The following FYTTD1 variants were observed in gnomAD, a reference collection of about 807,000 sequenced individuals.
FYTTD1 encodes UAP56-interacting factor.
A neutral mutation model predicts 40.9 loss-of-function variants in FYTTD1; 22 were observed. The ratio of observed to expected loss-of-function variants is 0.54; its 90% CI spans 0.38 to 0.77. FYTTD1 has a LOEUF of 0.77. Ranked by LOEUF, FYTTD1 falls within the 30% of genes least tolerant of loss-of-function variation. The pLI is 0.00. For missense variants in FYTTD1, 351 were observed against 392.2 expected (o/e 0.90, Z 0.89); for synonymous variants, 140 against 137.9 (o/e 1.01, Z -0.10).
chr3:197,778,161 T>G (rs1319704978), intron 7 of FYTTD1, among the ~76,000 whole-genome samples, 177 bp from the exon 8 acceptor site: 1 of 152,246 alleles, frequency 6.6e-6, no homozygotes, highest in African/African-American at 2.4e-5. Context: ...TAAAGAGATA[T>G]TCTCTGAACA....
intron 2 of FYTTD1, among the ~76,000 whole-genome samples, chr3:197,764,003 G>T (rs760778280): frequency 2.0e-5 from 3 of 152,302 alleles, no homozygotes; most frequent in Middle Eastern, 3.4e-3. Flanking sequence ...AGGGCTTGGA[G>T]GATTTTTTTT....
At chr3:197,768,873 A>G (rs998725636) in intron 3 of FYTTD1, among the ~76,000 whole-genome samples, 9 of 151,724 alleles carry the variant, frequency 5.9e-5, no homozygotes, top group Admixed American at 1.3e-4. Flanking sequence ...GCTCACTGCA[A>G]TGTCCACCTC....
chr3:197,774,167 A>G lies in FYTTD1; in HGVS notation c.613A>G (p.Thr205Ala). The change falls in exon 6 of 9, where the codon ACA (threonine) becomes GCA (alanine). Residue 205 changes from threonine to alanine, a missense_variant. Transcript: ENST00000241502. ...RGLKVQAQLNTEQLLDDVVAK... is the reference protein window; with the variant it reads ...RGLKVQAQLNAEQLLDDVVAK... Reference sequence around the variant, plus strand: ...CCTTCAGGTGCAGGCCCAGTTGAATACAGAACAACTGCTAGACGATGTAGT... The same window carrying G: ...CCTTCAGGTGCAGGCCCAGTTGAATGCAGAACAACTGCTAGACGATGTAGT... 6.2e-7 allele frequency: 1 copy of G among 1,614,046 alleles called. No individual in the cohort carries two copies. Among genetic ancestry groups the G allele is most frequent in the Non-Finnish European group, 8.5e-7 (1 of 1,179,882 alleles).
At chr3:197,769,641 C>T (rs1319234597) in intron 3 of FYTTD1, among the ~76,000 whole-genome samples, 1 of 152,118 alleles carries the variant, frequency 6.6e-6, no homozygotes, top group Non-Finnish European at 1.5e-5. Context: ...CACGTCTACT[C>T]CAGCGTCTTT....
In FYTTD1 at chr3:197,768,848, A is replaced by G. The variant is rs188934762; in HGVS notation, c.384+261A>G. Reference sequence around the variant, plus strand: ...TGCTCTGTTACCCAGGCTGGAGTGCAGTGATGTGATCTTGGCTCACTGCAA... The same window carrying G: ...TGCTCTGTTACCCAGGCTGGAGTGCGGTGATGTGATCTTGGCTCACTGCAA... On this transcript the variant is annotated intron_variant, in intron 3 of 8. Coordinates refer to ENST00000241502, the MANE Select transcript of FYTTD1 (RefSeq NM_032288.7). Among the ~76,000 whole-genome samples the G allele has an allele frequency of 1.5e-3, 233 of 152,216 alleles. 3 individuals carry two copies. Among genetic ancestry groups the G allele is most frequent in the Admixed American group, 0.014 (209 of 15,272 alleles).
chr3:197,752,724 C>T (rs1362727302), intron 1 of FYTTD1, among the ~76,000 whole-genome samples: 4 of 151,136 alleles, frequency 2.6e-5, no homozygotes, highest in African/African-American at 4.9e-5. Context: ...CTATATATGG[C>T]TTGGTTGTTT....
intron 7 of FYTTD1, among the ~76,000 whole-genome samples, chr3:197,777,297 C>A (rs1279899961): frequency 1.3e-5 from 2 of 152,142 alleles, no homozygotes; most frequent in East Asian, 3.9e-4. Context: ...GGCTCTGTTA[C>A]CCAGGCTGGA....
intron 1 of FYTTD1, among the ~76,000 whole-genome samples, chr3:197,754,163 G>C (rs1729147050): frequency 6.6e-6 from 1 of 152,060 alleles, no homozygotes; most frequent in Non-Finnish European, 1.5e-5. Context: ...TTAGACTTTT[G>C]ATGAAGAGTA....
At chr3:197,762,956 A>G (rs539860575) in intron 2 of FYTTD1, among the ~76,000 whole-genome samples, 3 of 152,274 alleles carry the variant, frequency 2.0e-5, no homozygotes, top group Non-Finnish European at 2.9e-5. Context: ...CCCCCGTGAT[A>G]CATGTTTACC....
intron 3 of FYTTD1, among the ~76,000 whole-genome samples, chr3:197,768,807 T>C (rs1331389866): frequency 6.6e-6 from 1 of 152,220 alleles, no homozygotes; most frequent in African/African-American, 2.4e-5. Context: ...GTTTTTGTTT[T>C]TTATATATAG....
chr3:197,779,523 T>G (rs905127236), intron 8 of FYTTD1, among the ~76,000 whole-genome samples: 14 of 139,856 alleles, frequency 1.0e-4, no homozygotes, highest in African/African-American at 3.6e-4. Flanking sequence ...TGTGGATTCC[T>G]TAGGACTTTT....
chr3:197,752,731 G>T (rs949414348), intron 1 of FYTTD1, among the ~76,000 whole-genome samples: 1 of 151,276 alleles, frequency 6.6e-6, no homozygotes, highest in African/African-American at 2.4e-5. Context: ...TGGCTTGGTT[G>T]TTTTTATACA....
intron 2 of FYTTD1, among the ~76,000 whole-genome samples, chr3:197,767,719 C>T (rs542851759): frequency 2.0e-5 from 3 of 152,226 alleles, no homozygotes; most frequent in Non-Finnish European, 2.9e-5. Flanking sequence ...CTCCCAAGTG[C>T]CGGGATTACA....
At chr3:197,763,138 G>C (rs1177842618) in intron 2 of FYTTD1, among the ~76,000 whole-genome samples, 1 of 152,064 alleles carries the variant, frequency 6.6e-6, no homozygotes, top group African/African-American at 2.4e-5. Flanking sequence ...TTTTGGCCGG[G>C]CGTGGTGGCT....
chr3:197,750,921 C>G (rs547493870), intron 1 of FYTTD1: 3 of 863,866 alleles, frequency 3.5e-6, no homozygotes, highest in Non-Finnish European at 4.2e-6. Context: ...AAATCCAGCC[C>G]TGACACTACC....
chr3:197,756,075 G>C (rs1435509989), intron 1 of FYTTD1, among the ~76,000 whole-genome samples: 1 of 152,100 alleles, frequency 6.6e-6, no homozygotes, highest in Non-Finnish European at 1.5e-5. Context: ...GAAATTGGAG[G>C]CTTCTGTGAT....
rs536639963 is a variant in FYTTD1 at position 197,784,047 on chromosome 3, T to C, written c.*2138T>C. On this transcript the variant is annotated 3_prime_UTR_variant, in exon 9 of 9. Coordinates refer to ENST00000241502, the MANE Select transcript of FYTTD1 (RefSeq NM_032288.7). ...TGCTTTGTTGAAGGAAAATTTTCTT[T>C]ATTGGAATGTGGTTGTAATCCTTGT... 1.5e-4 allele frequency: 23 copies of C among 152,754 alleles called. No homozygotes were observed. The highest frequency in any genetic ancestry group is 5.5e-4 in the African/African-American group (23 of 41,566). 9.5% of individuals were successfully genotyped at this position (152,754 alleles called of 1,614,324 possible).
chr3:197,769,621 C>T (rs770097935), intron 3 of FYTTD1, among the ~76,000 whole-genome samples: 3 of 152,098 alleles, frequency 2.0e-5, no homozygotes, highest in Non-Finnish European at 2.9e-5. Flanking sequence ...TGATACTTTT[C>T]GCCTCTAACC....
rs189320341 is a variant in FYTTD1 at position 197,784,880 on chromosome 3, C to T, written c.*2971C>T. The T allele has an allele frequency of 6.6e-6, 1 of 152,296 alleles. No individual in the cohort carries two copies. Among genetic ancestry groups the T allele is most frequent in the East Asian group, 1.9e-4 (1 of 5,190 alleles). 9.4% of individuals were successfully genotyped at this position (152,296 alleles called of 1,614,324 possible). ...TAGAGACTAATCCAGTTTAACCCCT[C>T]CTTTTTACACCTTAGTAAAGTGAGT... On this transcript the variant is annotated 3_prime_UTR_variant, in exon 9 of 9. Transcript: ENST00000241502.
Sources: allele counts gnomAD v4.1 joint callset (sites outside exome capture counted in the v4.1 genomes callset), GRCh38; gene constraint gnomAD v4.1.1; transcripts MANE v1.5; gene names NCBI Gene and HGNC (gene_info 2026-07-23, HGNC 2026-07-21).